Variants in PSD3 observed in about 807,000 individuals in gnomAD.
PSD3 encodes PH and SEC7 domain-containing protein 3.
In PSD3, 49 loss-of-function variants were observed where a neutral mutation model predicts 105.5. That is an observed-to-expected ratio of 0.46 (90% CI 0.37 to 0.59). The LOEUF is 0.59. PSD3 is among the 20% of genes least tolerant of loss of function. The pLI is 0.00. For synonymous variants in PSD3, 557 were observed against 457.8 expected, an observed-to-expected ratio of 1.22 and a Z score of -2.77; for missense variants, 1,561 against 1,263.8, an observed-to-expected ratio of 1.24 and a Z score of -3.57.
chr8:18,907,520 G>C (rs970110462), intron 2 of PSD3, among the ~76,000 whole-genome samples: 2 of 152,004 alleles, frequency 1.3e-5, no homozygotes, highest in African/African-American at 4.8e-5. Flanking sequence ...TAAATGTTTA[G>C]ATATGTTTTG....
At chr8:18,760,071 T>G (rs4921611) in intron 9 of PSD3, among the ~76,000 whole-genome samples, 39,806 of 149,536 alleles carry the variant, frequency 0.27, 7,558 homozygotes, top group East Asian at 0.51. Context: ...ATGCAGAGGA[T>G]CAAGACACTG....
At chr8:18,537,759 C>G (rs930208527) in intron 15 of PSD3, among the ~76,000 whole-genome samples, 2 of 152,166 alleles carry the variant, frequency 1.3e-5, no homozygotes, top group Non-Finnish European at 2.9e-5. Flanking sequence ...TCACCGCAAC[C>G]TCCACCGCCT....
At chr8:19,060,018 A>C (rs1390177570) in intron 1 of PSD3, among the ~76,000 whole-genome samples, 1 of 152,248 alleles carries the variant, frequency 6.6e-6, no homozygotes, top group Non-Finnish European at 1.5e-5. Context: ...TGCTTTTGAC[A>C]AAAGTCCACC....
intron 1 of PSD3, among the ~76,000 whole-genome samples, chr8:18,964,847 A>G (rs1263070631): frequency 3.3e-5 from 5 of 152,234 alleles, no homozygotes; most frequent in Admixed American, 6.5e-5. Context: ...TCACAGGGCT[A>G]TATTTCAGGA....
intron 9 of PSD3, among the ~76,000 whole-genome samples, chr8:18,672,210 C>T (rs1026964479): frequency 1.1e-4 from 17 of 151,688 alleles, no homozygotes; most frequent in African/African-American, 4.1e-4. Flanking sequence ...TAAATATATG[C>T]AATATTTTTT....
intron 11 of PSD3, among the ~76,000 whole-genome samples, chr8:18,616,172 G>A (rs1432396168): frequency 6.6e-6 from 1 of 152,262 alleles, no homozygotes; most frequent in African/African-American, 2.4e-5. Context: ...GCTACAGACT[G>A]CACCTGAGGT....
At chr8:18,887,395 C>T (rs1388742733) in intron 2 of PSD3, among the ~76,000 whole-genome samples, 1 of 152,094 alleles carries the variant, frequency 6.6e-6, no homozygotes, top group South Asian at 2.1e-4. Context: ...GGAAATGTGA[C>T]ATGAGAAGAC....
intron 9 of PSD3, among the ~76,000 whole-genome samples, chr8:18,736,873 C>A (rs1220288243): frequency 6.6e-6 from 1 of 152,106 alleles, no homozygotes; most frequent in Non-Finnish European, 1.5e-5. Flanking sequence ...TAAATCAAAG[C>A]TTTCTGATGG....
At chr8:18,865,707 T>C (rs899314322) in intron 4 of PSD3, among the ~76,000 whole-genome samples, 5 of 152,130 alleles carry the variant, frequency 3.3e-5, no homozygotes, top group African/African-American at 1.2e-4. Flanking sequence ...AGCTGGCGCG[T>C]CTCCAAGGTG....
chr8:18,756,313 C>T (rs1163425218), intron 9 of PSD3, among the ~76,000 whole-genome samples: 1 of 152,132 alleles, frequency 6.6e-6, no homozygotes, highest in Admixed American at 6.5e-5. Flanking sequence ...TCAGTTCAGG[C>T]TTTTCCTTTA....
chr8:18,536,835 C>T (rs561625137), intron 15 of PSD3, among the ~76,000 whole-genome samples: 6 of 151,878 alleles, frequency 4.0e-5, no homozygotes, highest in Non-Finnish European at 8.8e-5. Context: ...GTCTCAGATT[C>T]TTAATTTGAC....
intron 9 of PSD3, among the ~76,000 whole-genome samples, chr8:18,671,960 T>G (rs937382884): frequency 1.3e-5 from 2 of 152,102 alleles, no homozygotes; most frequent in Non-Finnish European, 2.9e-5. Flanking sequence ...TATACCCTGA[T>G]CCTCTGAAAC....
chr8:18,702,476 G>A (rs1326659058), intron 9 of PSD3, among the ~76,000 whole-genome samples: 3 of 152,132 alleles, frequency 2.0e-5, no homozygotes, highest in African/African-American at 4.8e-5. Flanking sequence ...GGGTATGTGT[G>A]TTCTTTTGAC....
chr8:18,575,607 T>C (rs1231261106), intron 12 of PSD3, among the ~76,000 whole-genome samples: 5 of 152,176 alleles, frequency 3.3e-5, no homozygotes, highest in East Asian at 3.8e-4. Flanking sequence ...ACACATTTTA[T>C]AATGAACAGA....
At chr8:18,599,146 T>C (rs1182473882) in intron 12 of PSD3, among the ~76,000 whole-genome samples, 1 of 152,174 alleles carries the variant, frequency 6.6e-6, no homozygotes, top group African/African-American at 2.4e-5. Flanking sequence ...CTCACATTCC[T>C]GATTTCAAAA....
intron 1 of PSD3, among the ~76,000 whole-genome samples, chr8:18,965,819 C>T (rs545117058): frequency 9.9e-5 from 15 of 152,222 alleles, no homozygotes; most frequent in African/African-American, 3.4e-4. Context: ...AATTGTAATG[C>T]GAAAAGCAAC....
At chr8:19,077,148 A>G (rs1829484601) in intron 1 of PSD3, among the ~76,000 whole-genome samples, 1 of 152,170 alleles carries the variant, frequency 6.6e-6, no homozygotes, top group African/African-American at 2.4e-5. Context: ...CTGACCTGAG[A>G]TAAATGGTTT....
chr8:18,611,590 A>G (rs1330342895), intron 11 of PSD3, among the ~76,000 whole-genome samples: 1 of 150,442 alleles, frequency 6.6e-6, no homozygotes, highest in Non-Finnish European at 1.5e-5. Context: ...AATCCTTTGG[A>G]TTTTTTTTTT....
At chr8:18,746,725 C>T (rs543926880) in intron 9 of PSD3, among the ~76,000 whole-genome samples, 1 of 152,326 alleles carries the variant, frequency 6.6e-6, no homozygotes, top group South Asian at 2.1e-4. Context: ...TTCGTTCTTT[C>T]CTTTTCCATT....
Sources: gnomAD v4.1 joint callset for allele counts (sites outside exome capture counted in the v4.1 genomes callset) on GRCh38, gnomAD v4.1.1 for gene constraint, MANE v1.5 for transcripts, NCBI Gene and HGNC (gene_info 2026-07-23, HGNC 2026-07-21) for gene names.